Variants in TMC4 observed in about 807,000 individuals in gnomAD.
TMC4 encodes voltage-gated chloride channel TMC4.
A neutral mutation model predicts 82.0 loss-of-function variants in TMC4; 70 were observed. The ratio of observed to expected loss-of-function variants is 0.85; its 90% confidence interval spans 0.70 to 1.04. The LOEUF is 1.04. TMC4 is among the 50% of genes least tolerant of loss of function. TMC4 has a pLI of 0.00. For synonymous variants in TMC4, 446 were observed against 406.0 expected (o/e 1.10, Z -1.18); for missense variants, 879 against 899.0 (o/e 0.98, Z 0.28).
At chr19:54,165,206 C>G (rs940432546) in intron 6 of TMC4, among the ~76,000 whole-genome samples, 10 of 151,936 alleles carry the variant, frequency 6.6e-5, no homozygotes, top group African/African-American at 2.4e-4. Flanking sequence ...CCGATCCCAG[C>G]CCTGGCGCAT....
intron 2 of TMC4, among the ~76,000 whole-genome samples, chr19:54,171,182 C>T (rs1486348011): frequency 1.0e-5 from 1 of 96,072 alleles, no homozygotes; most frequent in Non-Finnish European, 2.2e-5. Flanking sequence ...GATCTTGGCT[C>T]ACTGCAACCT....
At chr19:54,165,614 C>T (rs1022125309) in intron 5 of TMC4, 48 bp from the exon 6 acceptor site, 5 of 1,571,714 alleles carry the variant, frequency 3.2e-6, no homozygotes, top group African/African-American at 1.3e-5. Context: ...CAGCCAGGAA[C>T]GGGGGTTATG....
At chr19:54,163,967 T>C in intron 7 of TMC4, 80 bp from the exon 8 acceptor site, 1 of 1,366,596 alleles carries the variant, frequency 7.3e-7, no homozygotes, top group Non-Finnish European at 9.6e-7. Context: ...GGCCTCTTCT[T>C]CTTCTTCTTC....
chr19:54,160,360 T>C lies in TMC4; in HGVS notation c.2067A>G (p.Lys689=). ...KRQRETEAQN[K]VFLARRAVAL... is the part of the protein sequence containing the mutation. ...CCACAGCGCGCCGTGCCAGGAAGACTTTATTCTGCGCCTCCTGGGGCAAAG... is the reference window on the plus strand; with the variant it reads ...CCACAGCGCGCCGTGCCAGGAAGACCTTATTCTGCGCCTCCTGGGGCAAAG... Residue 689 remains lysine (K), a synonymous_variant, in exon 15 of 15, where the codon AAA becomes AAG. Transcript: ENST00000619895. 1 of 1,534,780 alleles carries C rather than the reference T, an allele frequency of 6.5e-7. No individual in the cohort carries two copies.
At position 54,164,434 on chromosome 19, in the gene TMC4, CTG is replaced by C. The variant is rs1226228447; in HGVS notation, c.1111_1112del (p.Gln371GlyfsTer84). ...YWATGCTVEL[Q>X]EMPLVQELPL... ...CTTCCTCTTCCAAGACCGTCCGCAC[CTG>C]CAGCTCCACGGTGCACCCCGTAGCC... On this transcript the variant is annotated frameshift_variant and splice_region_variant, in exon 7 of 15. Coordinates refer to ENST00000619895, the MANE Select transcript of TMC4 (RefSeq NM_144686.4). LOFTEE classifies it high-confidence loss of function. 6.2e-7 allele frequency: 1 copy of C among 1,609,870 alleles called. No individual in the cohort carries two copies. Among genetic ancestry groups the C allele is most frequent in the East Asian group, 2.2e-5 (1 of 44,768 alleles).
intron 7 of TMC4, 31 bp from the exon 8 acceptor site, chr19:54,163,918 T>C: frequency 5.6e-6 from 9 of 1,610,506 alleles, no homozygotes; most frequent in South Asian, 1.1e-5. Context: ...GAGTAGAGGC[T>C]TGGGGTCCTG....
At chr19:54,170,080 G>A (rs1293845292) in intron 2 of TMC4, among the ~76,000 whole-genome samples, 1 of 151,984 alleles carries the variant, frequency 6.6e-6, no homozygotes, top group Non-Finnish European at 1.5e-5. Context: ...CAGCCTGGGT[G>A]ACGGAGTGAG....
chr19:54,164,311 A>T, intron 7 of TMC4, 123 bp downstream of exon 7: 1 of 1,273,466 alleles, frequency 7.9e-7, no homozygotes, highest in Non-Finnish European at 1.1e-6. Flanking sequence ...CAGGGTCCGA[A>T]CATACCCTCT....
intron 7 of TMC4, 71 bp downstream of exon 7, chr19:54,164,363 G>A (rs1315191639): frequency 1.4e-5 from 22 of 1,521,680 alleles, no homozygotes; most frequent in Non-Finnish European, 1.7e-5. Flanking sequence ...CCAAACTTCC[G>A]TCCCCTCCCT....
At chr19:54,169,340 G>A (rs899614820) in intron 3 of TMC4, among the ~76,000 whole-genome samples, 172 bp downstream of exon 3, 4 of 151,532 alleles carry the variant, frequency 2.6e-5, no homozygotes, top group Admixed American at 2.0e-4. Context: ...AGGCCCAGCC[G>A]TGCCTTTCTC....
In TMC4 at chr19:54,164,409, C is replaced by T. The variant is rs775800278; in HGVS notation, c.1113+25G>A. The T allele has an allele frequency of 6.9e-6, 11 of 1,587,598 alleles. No individual in the cohort carries two copies. The African/African-American group carries it at 1.5e-4, about 21-fold the overall frequency. On this transcript the variant is annotated intron_variant, in intron 7 of 14. Coordinates refer to ENST00000619895, the MANE Select transcript of TMC4 (RefSeq NM_144686.4). ...AAATGTAGGTTCCAGGACCCCCTGGCTTCCTCTTCCAAGACCGTCCGCACC... is the reference window on the plus strand; with the variant it reads ...AAATGTAGGTTCCAGGACCCCCTGGTTTCCTCTTCCAAGACCGTCCGCACC...
In TMC4 at chr19:54,168,430, A is replaced by C. The variant is rs2075758693; in HGVS notation, c.675+18T>G. The C allele has an allele frequency of 1.3e-6, 2 of 1,530,988 alleles. No individual in the cohort carries two copies. The highest frequency in any genetic ancestry group is 1.4e-5 in the African/African-American group (1 of 72,542). 94.8% of individuals were successfully genotyped at this position (1,530,988 alleles called of 1,614,324 possible). A position where few individuals can be genotyped will look rare whatever the true frequency, so the allele number is the denominator to read the frequency against. The stretch of plus-strand genomic sequence containing the variant: ...GTCACAGGTGGGCGGGGAATCCCCC[A>C]GGGACCCAGGCACCTACCTCACCCG... On this transcript the variant is annotated intron_variant, in intron 4 of 14. Transcript: ENST00000619895.
Position 54,164,000 on chromosome 19 carries a change from A to G in TMC4, c.1114-113T>C, listed in dbSNP as rs2075638248. 6.0e-6 allele frequency: 7 copies of G among 1,164,180 alleles called. No individual in the cohort carries two copies. In the South Asian group the frequency reaches 9.5e-5, roughly 16 times the overall value. The allele number at this position is 1,164,180 out of a possible 1,614,324, so 72.1% of individuals were successfully genotyped here. Reference sequence around the variant, plus strand: ...TTCTTTTTTTTTTTTTTTGAGACAGAGTCTCGCTCTGTTACCCAGCCTAGA... The same window carrying G: ...TTCTTTTTTTTTTTTTTTGAGACAGGGTCTCGCTCTGTTACCCAGCCTAGA... On this transcript the variant is annotated intron_variant, in intron 7 of 14. Coordinates refer to ENST00000619895, the MANE Select transcript of TMC4 (RefSeq NM_144686.4).
In TMC4 at chr19:54,162,671, A is replaced by G. The variant is rs2075594537; in HGVS notation, c.1502+2T>C. 1 of 1,612,944 alleles carries G rather than the reference A, an allele frequency of 6.2e-7. No homozygotes were observed. The highest frequency in any genetic ancestry group is 1.1e-5 in the South Asian group (1 of 91,034). ...GGCCACAGCAAGGGGCGGGGCTCTC[A>G]CTTTCTAGGAAACTGGATGAGCAGC... On this transcript the variant is annotated splice_donor_variant, in intron 10 of 14. Coordinates refer to ENST00000619895, the MANE Select transcript of TMC4 (RefSeq NM_144686.4). LOFTEE classifies it high-confidence loss of function.
intron 11 of TMC4, among the ~76,000 whole-genome samples, chr19:54,161,873 T>C (rs1393823800): frequency 2.0e-5 from 3 of 151,670 alleles, no homozygotes; most frequent in African/African-American, 7.3e-5. Flanking sequence ...GAACCAGGAG[T>C]CTGAGCCCCT....
chr19:54,160,261 T>C lies in TMC4; in HGVS notation c.*45A>G. The C allele has an allele frequency of 6.7e-7, 1 of 1,501,108 alleles. No individual in the cohort carries two copies. The highest frequency in any genetic ancestry group is 8.9e-7 in the Non-Finnish European group (1 of 1,124,240). The allele number at this position is 1,501,108 out of a possible 1,614,324, so 93.0% of individuals were successfully genotyped here. On this transcript the variant is annotated 3_prime_UTR_variant, in exon 15 of 15. Coordinates refer to ENST00000619895, the MANE Select transcript of TMC4 (RefSeq NM_144686.4). ...AGTTTACAGATGTTGTGACCTAGGCTTACAATGGGCCTGGGGTCTGAAAGC... is the reference window on the plus strand; with the variant it reads ...AGTTTACAGATGTTGTGACCTAGGCCTACAATGGGCCTGGGGTCTGAAAGC...
chr19:54,163,004 A>G (rs970697831), intron 9 of TMC4, 29 bp downstream of exon 9: 1 of 1,614,090 alleles, frequency 6.2e-7, no homozygotes, highest in Non-Finnish European at 8.5e-7. Flanking sequence ...GGGACCCAAG[A>G]GTCCCACGCA....
intron 5 of TMC4, 82 bp downstream of exon 5, chr19:54,168,088 TG>T: frequency 7.0e-7 from 1 of 1,436,048 alleles, no homozygotes; most frequent in African/African-American, 1.5e-5. Context: ...TGAGGATTCT[TG>T]GGGAGGGGGT....
rs762711169 is a variant in TMC4, at chr19:54,160,990, A to G, written c.1861T>C (p.Ser621Pro). The G allele has an allele frequency of 6.2e-7, 1 of 1,614,062 alleles. No individual in the cohort carries two copies. Among genetic ancestry groups the G allele is most frequent in the Admixed American group, 1.7e-5 (1 of 60,006 alleles). ...GACTCAGGGATCTGGGCCCAGATGGACGACTGCCCCCGGAATGGACCACAC... is the reference window on the plus strand; with the variant it reads ...GACTCAGGGATCTGGGCCCAGATGGGCGACTGCCCCCGGAATGGACCACAC... ...KLCGPFRGQS[S>P]IWAQIPESIS... Residue 621 changes from serine to proline, a missense_variant, in exon 13 of 15, where the codon TCC (serine) becomes CCC (proline). Ser to Pro is a moderately conservative substitution (Grantham distance 74, BLOSUM62 -1). Transcript: ENST00000619895.
Sources: gnomAD v4.1 joint callset for allele counts (sites outside exome capture counted in the v4.1 genomes callset) on GRCh38, gnomAD v4.1.1 for gene constraint, MANE v1.5 for transcripts, NCBI Gene and HGNC (gene_info 2026-07-23, HGNC 2026-07-21) for gene names.